The following CCDC178 variants were observed in gnomAD, a reference collection of about 807,000 sequenced individuals.
CCDC178 encodes coiled-coil domain containing 178, also known as coiled-coil domain-containing protein 178.
Under a neutral mutation model 117.4 loss-of-function variants are expected in CCDC178, and 126 were observed. The ratio of observed to expected loss-of-function variants is 1.07; its 90% CI spans 0.93 to 1.24. CCDC178 has a LOEUF of 1.24. Ranked by LOEUF, CCDC178 falls within the 50% of genes most tolerant of loss-of-function variation. The probability of loss-of-function intolerance (pLI) is 0.00; values close to 1 mark genes in which losing one functional copy is unlikely to be tolerated. For synonymous variants in CCDC178, 283 were observed against 313.4 expected (o/e 0.90, Z 1.02); for missense variants, 1,030 against 986.9 (o/e 1.04, Z -0.59).
chr18:33,291,470 C>G, intron 12 of CCDC178, among the ~76,000 whole-genome samples: 1 of 151,882 alleles, frequency 6.6e-6, no homozygotes, highest in East Asian at 1.9e-4. Flanking sequence ...ATGTTCAGTT[C>G]CATTAATAAC....
intron 6 of CCDC178, among the ~76,000 whole-genome samples, chr18:33,358,919 T>C (rs948258005): frequency 2.0e-5 from 3 of 151,808 alleles, no homozygotes; most frequent in African/African-American, 2.4e-5. Context: ...AAAAGATAAA[T>C]TGGCATTTTG....
chr18:33,377,102 T>G lies in CCDC178; in HGVS notation c.209-6913A>C, dbSNP rs563477621. On this transcript the variant is annotated intron_variant, in intron 5 of 22. Transcript: ENST00000383096. Reference sequence around the variant, plus strand: ...AACAATTCTCTTTTCTCTGCAGAGTTGTCAGCATCTGTTGTTTTTGGCTTT... The same window carrying G: ...AACAATTCTCTTTTCTCTGCAGAGTGGTCAGCATCTGTTGTTTTTGGCTTT... Among the ~76,000 whole-genome samples the G allele has an allele frequency of 5.6e-4, 86 of 152,284 alleles. 1 individual carries two copies. Among genetic ancestry groups the G allele is most frequent in the African/African-American group, 2.0e-3 (82 of 41,580 alleles).
At chr18:33,357,525 G>A (rs1040095648) in intron 6 of CCDC178, among the ~76,000 whole-genome samples, 5 of 152,060 alleles carry the variant, frequency 3.3e-5, no homozygotes, top group African/African-American at 1.2e-4. Context: ...CTATTGAATT[G>A]TAATGTGTTA....
intron 21 of CCDC178, among the ~76,000 whole-genome samples, chr18:33,015,732 T>G (rs2055974243): frequency 6.6e-6 from 1 of 151,206 alleles, no homozygotes; most frequent in Non-Finnish European, 1.5e-5. Context: ...ACCAAAGAAA[T>G]CTAACTTAAA....
intron 18 of CCDC178, among the ~76,000 whole-genome samples, chr18:33,219,303 C>T (rs1397079107): frequency 3.9e-5 from 6 of 151,920 alleles, no homozygotes; most frequent in East Asian, 3.9e-4. Context: ...TGTGGAGAAA[C>T]AGGAACACTT....
chr18:33,333,159 C>A lies in CCDC178; in HGVS notation c.879+15G>T. The A allele has an allele frequency of 7.0e-7, 1 of 1,434,846 alleles. No individual in the cohort carries two copies. Among genetic ancestry groups the A allele is most frequent in the East Asian group, 2.3e-5 (1 of 43,536 alleles). 88.9% of individuals were successfully genotyped at this position (1,434,846 alleles called of 1,614,324 possible). A position where few individuals can be genotyped will look rare whatever the true frequency, so the allele number is the denominator to read the frequency against. ...AGTAATAATTTATGAAATGCTCATGCATTCGTTTATTTACCTCCATTTTTT... is the reference window on the plus strand; with the variant it reads ...AGTAATAATTTATGAAATGCTCATGAATTCGTTTATTTACCTCCATTTTTT... On this transcript the variant is annotated intron_variant, in intron 10 of 22. Transcript: ENST00000383096.
intron 21 of CCDC178, among the ~76,000 whole-genome samples, chr18:33,008,512 C>T (rs1256073884): frequency 6.6e-6 from 1 of 152,042 alleles, no homozygotes; most frequent in Non-Finnish European, 1.5e-5. Context: ...CACACATTTC[C>T]TCCTCTCTAC....
At chr18:33,344,042 C>A (rs901668514) in intron 9 of CCDC178, among the ~76,000 whole-genome samples, 3 of 151,900 alleles carry the variant, frequency 2.0e-5, no homozygotes, top group African/African-American at 7.2e-5. Context: ...CGGTGGCTCA[C>A]GCCTGTAATC....
chr18:33,161,114 C>CA (rs1309883005), intron 20 of CCDC178, among the ~76,000 whole-genome samples: 1 of 152,016 alleles, frequency 6.6e-6, no homozygotes, highest in Non-Finnish European at 1.5e-5. Flanking sequence ...ATTTTAACCT[C>CA]AAGCTACTGA....
rs547908565 is a variant in CCDC178 at position 33,134,718 on chromosome 18, A to G, written c.2239-41808T>C. On this transcript the variant is annotated intron_variant, in intron 20 of 22. Coordinates refer to ENST00000383096, the MANE Select transcript of CCDC178 (RefSeq NM_001105528.4). ...CCTTCTAATATTTATTAAACAGCAC[A>G]TAAGTATCAGATTGTACAATCACTG... 1.0e-3 allele frequency among the ~76,000 whole-genome samples: 153 copies of G among 152,150 alleles called. 4 individuals are homozygous for G. The South Asian group carries it at 0.019, about 19-fold the overall frequency.
chr18:33,264,736 A>C (rs2144759666), intron 14 of CCDC178, among the ~76,000 whole-genome samples: 1 of 152,186 alleles, frequency 6.6e-6, no homozygotes, highest in East Asian at 1.9e-4. Flanking sequence ...TGGCCATGTG[A>C]CTTGCTTTGT....
intron 22 of CCDC178, among the ~76,000 whole-genome samples, chr18:32,942,827 T>A (rs2054269806): frequency 6.6e-6 from 1 of 152,186 alleles, no homozygotes; most frequent in Non-Finnish European, 1.5e-5. Flanking sequence ...TGCATACTGA[T>A]CATACCTTCT....
intron 20 of CCDC178, among the ~76,000 whole-genome samples, chr18:33,104,324 G>A (rs996396197): frequency 5.9e-5 from 9 of 151,536 alleles, no homozygotes; most frequent in Non-Finnish European, 1.2e-4. Context: ...CTACCAACTA[G>A]CCTCAATCAG....
intron 20 of CCDC178, among the ~76,000 whole-genome samples, chr18:33,102,675 T>G (rs1026195305): frequency 4.6e-5 from 7 of 151,726 alleles, no homozygotes; most frequent in Admixed American, 6.6e-5. Flanking sequence ...GTCCAAACCT[T>G]GCAACGTATC....
chr18:33,135,370 G>A (rs1198314695), intron 20 of CCDC178, among the ~76,000 whole-genome samples: 1 of 151,958 alleles, frequency 6.6e-6, no homozygotes, highest in Non-Finnish European at 1.5e-5. Context: ...ATTTTACAAG[G>A]AGACATAAAA....
intron 14 of CCDC178, among the ~76,000 whole-genome samples, chr18:33,262,951 T>C (rs1396499961): frequency 6.6e-6 from 1 of 152,150 alleles, no homozygotes; most frequent in African/African-American, 2.4e-5. Flanking sequence ...TGTGGGACTT[T>C]AGGAAAGCCA....
At chr18:33,350,337 C>T (rs1486359690) in intron 7 of CCDC178, among the ~76,000 whole-genome samples, 1 of 152,008 alleles carries the variant, frequency 6.6e-6, no homozygotes, top group Non-Finnish European at 1.5e-5. Flanking sequence ...ACTTTAGTGG[C>T]ATTTAATACA....
chr18:33,139,918 T>C (rs1034467147), intron 20 of CCDC178, among the ~76,000 whole-genome samples: 1 of 151,758 alleles, frequency 6.6e-6, no homozygotes, highest in Admixed American at 6.6e-5. Context: ...GAAAAAATGG[T>C]TTCATGGGCC....
chr18:32,999,110 C>A (rs2055577567), intron 21 of CCDC178, among the ~76,000 whole-genome samples: 2 of 151,936 alleles, frequency 1.3e-5, no homozygotes, highest in South Asian at 4.2e-4. Flanking sequence ...GACCACAGCC[C>A]TGAAGTGAGA....
Sources: gnomAD v4.1 joint callset for allele counts (sites outside exome capture counted in the v4.1 genomes callset) on GRCh38, gnomAD v4.1.1 for gene constraint, MANE v1.5 for transcripts, NCBI Gene and HGNC (gene_info 2026-07-23, HGNC 2026-07-21) for gene names.